HNRNPK: variants seen among roughly 807,000 people sequenced by gnomAD.
HNRNPK encodes heterogeneous nuclear ribonucleoprotein K.
HNRNPK carries 7 observed loss-of-function variants against 67.0 expected under a neutral mutation model. The observed-to-expected ratio is 0.10, with a 90% confidence interval of 0.06 to 0.20. The LOEUF is 0.20. Ranked by LOEUF, HNRNPK falls within the 10% of genes least tolerant of loss-of-function variation. The probability of loss-of-function intolerance (pLI) is 1.00; values close to 1 mark genes in which losing one functional copy is unlikely to be tolerated. For synonymous variants in HNRNPK, 213 were observed against 193.7 expected, an observed-to-expected ratio of 1.10 and a Z score of -0.83; for missense variants, 264 against 606.5, an observed-to-expected ratio of 0.44 and a Z score of 5.93.
intron 5 of HNRNPK, among the ~76,000 whole-genome samples, chr9:83,976,244 A>T (rs1455338698): frequency 2.0e-5 from 3 of 152,226 alleles, no homozygotes; most frequent in African/African-American, 7.2e-5. Context: ...GAGAGAAATG[A>T]AATACTGTCA....
intron 2 of HNRNPK, 29 bp downstream of exon 2, chr9:83,978,344 A>C (rs1957168553): frequency 1.3e-6 from 2 of 1,551,176 alleles, no homozygotes; most frequent in Admixed American, 2.2e-5. Flanking sequence ...AAAAAAAAAA[A>C]AAAAAAAGAC....
intron 5 of HNRNPK, among the ~76,000 whole-genome samples, chr9:83,975,988 A>G (rs1343261703): frequency 1.3e-5 from 2 of 152,166 alleles, no homozygotes; most frequent in South Asian, 2.1e-4. Flanking sequence ...GAAATTCTTG[A>G]GGAAATGGGG....
chr9:83,980,540 C>T (rs181159071), upstream of HNRNPK: 45 of 152,982 alleles, frequency 2.9e-4, no homozygotes, highest in Non-Finnish European at 5.7e-4. Flanking sequence ...GGCAAGACGT[C>T]GAGGTCGGTG....
At chr9:83,977,103 A>T (rs756837030) in intron 4 of HNRNPK, 52 bp from the exon 5 acceptor site, 1 of 1,242,810 alleles carries the variant, frequency 8.0e-7, no homozygotes, top group Non-Finnish European at 1.2e-6. Context: ...TAAAATTAAT[A>T]GCTACCTACG....
rs1956825819 is a variant in HNRNPK at position 83,971,281 on chromosome 9, C to T, written c.1084G>A (p.Glu362Lys). 2 of 1,602,732 alleles carry T rather than the reference C, an allele frequency of 1.2e-6. No individual in the cohort carries two copies. Among genetic ancestry groups the T allele is most frequent in the Non-Finnish European group, 1.7e-6 (2 of 1,169,770 alleles). The change falls in exon 13 of 17, where the codon GAA (glutamate) becomes AAA (lysine). Residue 362 changes from glutamate to lysine, a missense_variant. By Grantham distance (56) the Glu-to-Lys change is moderately conservative. Around this residue, in one of 6 missense-constraint regions of HNRNPK, gnomAD observed 142 missense variants for 256.5 expected, o/e 0.55. Transcript: ENST00000376263. ...WSPSEWQMAY[E>K]PQGGSGYDYS... ...CAACTATGATACTCAACCTGTGGTT[C>T]ATAAGCCATCTGCCATTCTGATGGG...
chr9:83,969,821 T>A (rs1224111752), intron 16 of HNRNPK: 1 of 611,838 alleles, frequency 1.6e-6, no homozygotes, highest in East Asian at 3.7e-5. Flanking sequence ...AACAACAAAA[T>A]CACTAGTCTT....
intron 10 of HNRNPK, 65 bp from the exon 11 acceptor site, chr9:83,972,254 T>C (rs1381176989): frequency 1.0e-5 from 12 of 1,174,634 alleles, no homozygotes; most frequent in African/African-American, 4.7e-5. Context: ...TACCAATCCT[T>C]CTAACATCAT....
chr9:83,979,723 G>A (rs1399042486), intron 1 of HNRNPK, among the ~76,000 whole-genome samples: 9 of 63,940 alleles, frequency 1.4e-4, no homozygotes, highest in African/African-American at 4.4e-4. Context: ...CTCATCCCCC[G>A]CATCCTCCCC....
intron 1 of HNRNPK, among the ~76,000 whole-genome samples, chr9:83,979,118 T>C (rs994633978): frequency 2.0e-5 from 3 of 152,180 alleles, no homozygotes; most frequent in African/African-American, 7.2e-5. Flanking sequence ...AACTAAAGTG[T>C]CTACGTGCCA....
chr9:83,971,224 G>T, intron 13 of HNRNPK, 49 bp downstream of exon 13: 2 of 1,194,550 alleles, frequency 1.7e-6, no homozygotes, highest in Non-Finnish European at 2.5e-6. Context: ...GAGCAGGTAA[G>T]CATCTTAAAT....
chr9:83,974,385 TAGC>T (rs904865331), intron 7 of HNRNPK, 129 bp downstream of exon 7: 3 of 484,454 alleles, frequency 6.2e-6, no homozygotes, highest in African/African-American at 6.0e-5. Flanking sequence ...CAAAATTATG[TAGC>T]AGGTTAAGAT....
At chr9:83,969,490 A>G (rs1956723168) in intron 16 of HNRNPK, 50 bp from the exon 17 acceptor site, 1 of 1,136,444 alleles carries the variant, frequency 8.8e-7, no homozygotes, top group Admixed American at 2.0e-5. Context: ...TGCTCGTAAC[A>G]TCTTAATCAA....
At chr9:83,978,761 A>C (rs569633908) in intron 1 of HNRNPK, among the ~76,000 whole-genome samples, 7 of 152,354 alleles carry the variant, frequency 4.6e-5, no homozygotes, top group African/African-American at 1.7e-4. Flanking sequence ...CACAAAGCAT[A>C]CATTTATGAA....
rs148052727 is a variant in HNRNPK, at chr9:83,979,436, C to G, written c.-108+717G>C. Among the ~76,000 whole-genome samples the G allele has an allele frequency of 4.0e-3, 610 of 152,366 alleles. 8 individuals are homozygous for G. The highest frequency in any genetic ancestry group is 0.014 in the African/African-American group (581 of 41,582). ...ACGTTGCCGCTTGCCGTTCACCCTT[C>G]GGGTCCTGCAGTCACTAGTCCCCAG... is the stretch of plus-strand genomic sequence containing the variant. On this transcript the variant is annotated intron_variant, in intron 1 of 16. Coordinates refer to ENST00000376263, the MANE Select transcript of HNRNPK (RefSeq NM_031263.4).
At chr9:83,971,392 T>G in intron 12 of HNRNPK, 36 bp from the exon 13 acceptor site, 2 of 1,403,024 alleles carry the variant, frequency 1.4e-6, no homozygotes, top group Non-Finnish European at 2.0e-6. Flanking sequence ...GAACCCGCAT[T>G]GTATTTTGTT....
In HNRNPK at chr9:83,979,950, A is replaced by AT. The variant is rs777579851; in HGVS notation, c.-108+202dup. On this transcript the variant is annotated intron_variant, in intron 1 of 16. Coordinates refer to ENST00000376263, the MANE Select transcript of HNRNPK (RefSeq NM_031263.4). ...CATCCTAGAGGCACATGCCTCACGA[A>AT]TCCCCAAGTCTCTAGGACCACAACG... Among the ~76,000 whole-genome samples, 247 of 152,264 alleles carry AT rather than the reference A, an allele frequency of 1.6e-3. 2 individuals are homozygous for AT. Among genetic ancestry groups the AT allele is most frequent in the South Asian group, 3.1e-3 (15 of 4,826 alleles).
chr9:83,973,180 A>C, intron 9 of HNRNPK, 106 bp downstream of exon 9: 1 of 808,180 alleles, frequency 1.2e-6, no homozygotes, highest in Non-Finnish European at 2.1e-6. Flanking sequence ...GCGATAAGCA[A>C]TCTTTGGAGG....
In HNRNPK at chr9:83,968,866, C is replaced by T. The variant is rs1956695259; in HGVS notation, c.*541G>A. The T allele has an allele frequency of 6.5e-6, 1 of 153,062 alleles. No individual in the cohort carries two copies. Among genetic ancestry groups the T allele is most frequent in the South Asian group, 2.0e-4 (1 of 4,884 alleles). 9.5% of individuals were successfully genotyped at this position (153,062 alleles called of 1,614,324 possible). On this transcript the variant is annotated 3_prime_UTR_variant, in exon 17 of 17. Transcript: ENST00000376263. ...GGGGTGGGTTGGGAAATTCAGCCAC[C>T]ATTTTAAAATGACTGTCTTAAAAAA...
At chr9:83,975,777 A>G (rs1389216278) in intron 5 of HNRNPK, 1 of 501,274 alleles carries the variant, frequency 2.0e-6, no homozygotes, top group Non-Finnish European at 3.6e-6. Context: ...AATACAAACT[A>G]TACTCATACT....
Sources: allele counts gnomAD v4.1 joint callset (sites outside exome capture counted in the v4.1 genomes callset), GRCh38; gene constraint gnomAD v4.1.1; regional missense constraint gnomAD v4.1.1; transcripts MANE v1.5; gene names NCBI Gene and HGNC (gene_info 2026-07-23, HGNC 2026-07-21).